Variants in DDB1 observed in about 807,000 individuals in gnomAD.
DDB1 encodes the protein DNA damage-binding protein 1.
Under a neutral mutation model 133.1 loss-of-function variants are expected in DDB1, and 18 were observed. That is an observed-to-expected ratio of 0.14 (90% CI 0.09 to 0.20). The LOEUF is 0.20. Ranked by LOEUF, DDB1 falls within the 10% of genes least tolerant of loss-of-function variation. DDB1 has a pLI of 1.00. For missense variants in DDB1, 828 were observed against 1,459.2 expected, an observed-to-expected ratio of 0.57 and a Z score of 7.05; for synonymous variants, 580 against 550.5, an observed-to-expected ratio of 1.05 and a Z score of -0.75.
At chr11:61,325,148 C>CA (rs34187104) in intron 6 of DDB1, among the ~76,000 whole-genome samples, 212 of 138,402 alleles carry the variant, frequency 1.5e-3, no homozygotes, top group African/African-American at 3.7e-3. Flanking sequence ...AACTCCGTCT[C>CA]AAAAAAAAAA....
In DDB1 at chr11:61,316,941, G is replaced by A. The variant is rs867087665; in HGVS notation, c.1226-374C>T. On this transcript the variant is annotated intron_variant, in intron 10 of 26. Coordinates refer to ENST00000301764, the MANE Select transcript of DDB1 (RefSeq NM_001923.5). ...TCTCAAAAAAAAAAAAAAAAAAAAA[G>A]GATAGATATATATATATATATATAT... Among the ~76,000 whole-genome samples, 121 of 19,336 alleles carry A rather than the reference G, an allele frequency of 6.3e-3. 5 individuals carry two copies. The highest frequency in any genetic ancestry group is 0.022 in the African/African-American group (47 of 2,126). 12.7% of individuals were successfully genotyped at this position (19,336 alleles called of 152,430 possible).
At chr11:61,331,810 C>T (rs1856379839) in intron 1 of DDB1, 119 bp from the exon 2 acceptor site, 11 of 1,376,778 alleles carry the variant, frequency 8.0e-6, no homozygotes, top group Non-Finnish European at 1.1e-5. Context: ...ACATACTTCT[C>T]CAACTCCCTC....
chr11:61,302,313 G>A lies in DDB1; in HGVS notation c.3159C>T (p.Asp1053=). The A allele has an allele frequency of 1.4e-5, 22 of 1,614,188 alleles. No homozygotes were observed. The highest frequency in any genetic ancestry group is 1.9e-5 in the Non-Finnish European group (22 of 1,180,008). The change falls in exon 25 of 27, where the codon GAC becomes GAT. Residue 1053 remains aspartate, a synonymous_variant. Transcript: ENST00000301764. The part of the protein sequence containing the change: ...LSESWYNLLL[D]MQNRLNKVIK... ...TGACTTTATTGAGTCGATTCTGCAT[G>A]TCCAGCAGGAGGTTGTACCAGCTCT... is the stretch of plus-strand genomic sequence containing the variant.
rs1372185724 is a variant in DDB1, at chr11:61,332,557, C to T, written c.61+351G>A. On this transcript the variant is annotated intron_variant, in intron 1 of 26. Transcript: ENST00000301764. ...CACAGGAAAATCTTGACCCCAAAGT[C>T]GTCATTACCACCTCCCCTTTTCCTG... The T allele has an allele frequency of 1.3e-5, 3 of 222,496 alleles. No individual in the cohort carries two copies. The Admixed American group carries it at 1.7e-4, about 13-fold the overall frequency. 13.8% of individuals were successfully genotyped at this position (222,496 alleles called of 1,614,324 possible). A position where few individuals can be genotyped will look rare whatever the true frequency, so the allele number is the denominator to read the frequency against.
chr11:61,328,771 T>A (rs1223122318), intron 4 of DDB1, among the ~76,000 whole-genome samples: 1 of 152,066 alleles, frequency 6.6e-6, no homozygotes, highest in East Asian at 1.9e-4. Flanking sequence ...CTCAGGAGGC[T>A]GAGGCAGGAG....
intron 10 of DDB1, among the ~76,000 whole-genome samples, chr11:61,316,961 ATATATATATATATATAT>A (rs1254715109): frequency 3.3e-5 from 1 of 30,428 alleles, no homozygotes; most frequent in Non-Finnish European, 9.9e-5. Flanking sequence ...ATATATATAT[ATATATATATATATATAT>A]ATATATATAT....
intron 6 of DDB1, among the ~76,000 whole-genome samples, chr11:61,324,830 T>C (rs1856243323): frequency 6.6e-6 from 1 of 152,216 alleles, no homozygotes; most frequent in South Asian, 2.1e-4. Context: ...ACTTGAGCCC[T>C]GAAAACATTA....
At chr11:61,329,863 T>C in intron 3 of DDB1, 95 bp downstream of exon 3, 12 of 1,077,570 alleles carry the variant, frequency 1.1e-5, no homozygotes, top group Non-Finnish European at 1.5e-5. Context: ...ATTTCTCTGA[T>C]CGAATAGAGA....
chr11:61,313,803 C>G, intron 15 of DDB1, 59 bp downstream of exon 15: 1 of 1,596,096 alleles, frequency 6.3e-7, no homozygotes, highest in Non-Finnish European at 8.6e-7. Context: ...ACTAAGAATT[C>G]TGTGTAATTC....
At chr11:61,329,045 C>A (rs994534391) in intron 4 of DDB1, among the ~76,000 whole-genome samples, 6 of 152,040 alleles carry the variant, frequency 3.9e-5, no homozygotes, top group Non-Finnish European at 8.8e-5. Context: ...TTTTAATAAT[C>A]CCCTAGCACT....
At chr11:61,312,410 A>C (rs1229503736) in intron 16 of DDB1, among the ~76,000 whole-genome samples, 2 of 151,946 alleles carry the variant, frequency 1.3e-5, no homozygotes, top group Non-Finnish European at 2.9e-5. Context: ...TTGTCAAAAC[A>C]GTCTGCTGGG....
intron 12 of DDB1, 54 bp downstream of exon 12, chr11:61,316,231 G>T (rs774974105): frequency 6.7e-7 from 1 of 1,481,602 alleles, no homozygotes; most frequent in Non-Finnish European, 9.4e-7. Context: ...GCTCTGTACT[G>T]CATCTAGGTC....
chr11:61,303,213 T>C, intron 22 of DDB1, 58 bp from the exon 23 acceptor site: 1 of 1,506,860 alleles, frequency 6.6e-7, no homozygotes, highest in South Asian at 1.1e-5. Flanking sequence ...CGGAATCCAG[T>C]TCTGGGACTT....
chr11:61,316,940 AGG>A (rs1469281051), intron 10 of DDB1, among the ~76,000 whole-genome samples: 2 of 60,386 alleles, frequency 3.3e-5, no homozygotes, highest in African/African-American at 8.7e-5. Context: ...AAAAAAAAAA[AGG>A]ATAGATATAT....
In DDB1 at chr11:61,317,574, T is replaced by A. The variant is rs182655892; in HGVS notation, c.1226-1007A>T. On this transcript the variant is annotated intron_variant, in intron 10 of 26. Coordinates refer to ENST00000301764, the MANE Select transcript of DDB1 (RefSeq NM_001923.5). ...CAGACTGGGGTGCAATGGCACGATC[T>A]CGGCTCACTACAACCTCCGCCTCCC... Among the ~76,000 whole-genome samples the A allele has an allele frequency of 3.6e-3, 543 of 152,238 alleles. 7 individuals carry two copies. The highest frequency in any genetic ancestry group is 1.5e-3 in the Non-Finnish European group (102 of 68,026).
intron 21 of DDB1, among the ~76,000 whole-genome samples, chr11:61,305,275 A>G (rs1240384970): frequency 2.0e-5 from 3 of 152,280 alleles, no homozygotes; most frequent in African/African-American, 7.2e-5. Context: ...TTGGGAGGCC[A>G]AGGCAGGCGG....
chr11:61,305,694 C>T (rs760215123), intron 21 of DDB1, among the ~76,000 whole-genome samples: 173 of 149,834 alleles, frequency 1.2e-3, no homozygotes, highest in Admixed American at 2.2e-3. Context: ...TCTCTCTCCA[C>T]ACTCTCAACC....
intron 23 of DDB1, 93 bp downstream of exon 23, chr11:61,302,953 C>A: frequency 3.0e-6 from 4 of 1,346,050 alleles, no homozygotes; most frequent in Non-Finnish European, 4.2e-6. Flanking sequence ...AACAGGAGCA[C>A]CTGAACCTGA....
chr11:61,309,674 C>A, intron 20 of DDB1, 122 bp downstream of exon 20: 1 of 1,008,048 alleles, frequency 9.9e-7, no homozygotes, highest in Non-Finnish European at 1.5e-6. Context: ...GAGAATAGCT[C>A]TTTACAGCAA....
Sources: allele counts gnomAD v4.1 joint callset (sites outside exome capture counted in the v4.1 genomes callset), GRCh38; gene constraint gnomAD v4.1.1; transcripts MANE v1.5; gene names NCBI Gene and HGNC (gene_info 2026-07-23, HGNC 2026-07-21).